BCL11A: variants seen among roughly 807,000 people sequenced by gnomAD.
BCL11A encodes BCL11 transcription factor A.
Under a neutral mutation model 55.9 loss-of-function variants are expected in BCL11A, and 2 were observed. The observed-to-expected ratio is 0.04, with a 90% confidence interval of 0.01 to 0.11. The LOEUF (loss-of-function observed/expected upper bound fraction) is 0.11. BCL11A is among the 10% of genes least tolerant of loss of function. BCL11A has a pLI of 1.00. For synonymous variants in BCL11A, 465 were observed against 473.4 expected, an observed-to-expected ratio of 0.98 and a Z score of 0.23; for missense variants, 817 against 1,137.1, an observed-to-expected ratio of 0.72 and a Z score of 4.05.
intron 1 of BCL11A, among the ~76,000 whole-genome samples, chr2:60,552,736 C>T (rs184354328): frequency 1.3e-5 from 2 of 152,234 alleles, no homozygotes; most frequent in East Asian, 3.9e-4. Flanking sequence ...CCCCGGGAAT[C>T]GTTTTTTAGA....
At chr2:60,479,415 T>C (rs1045566498) in intron 2 of BCL11A, among the ~76,000 whole-genome samples, 1 of 152,206 alleles carries the variant, frequency 6.6e-6, no homozygotes, top group South Asian at 2.1e-4. Context: ...GTCCCAACCA[T>C]GAGGCTGACC....
intron 2 of BCL11A, among the ~76,000 whole-genome samples, chr2:60,473,119 T>C (rs1390259337): frequency 6.6e-6 from 1 of 152,038 alleles, no homozygotes; most frequent in Non-Finnish European, 1.5e-5. Context: ...TGTTAGCATG[T>C]GCATGCACAT....
chr2:60,492,286 G>T (rs1197240635), intron 2 of BCL11A, among the ~76,000 whole-genome samples: 1 of 152,224 alleles, frequency 6.6e-6, no homozygotes, highest in East Asian at 1.9e-4. Context: ...AGGATGGCTT[G>T]AGCCTAGGAG....
In BCL11A at chr2:60,459,545, C is replaced by G; in HGVS notation, c.*859G>C. On this transcript the variant is annotated 3_prime_UTR_variant, in exon 4 of 4. Transcript: ENST00000642384. ...CATAATGGGTCATCTTTTTAGGTAG[C>G]CATTGTTGTGAGAAATACAATATAG... 2.0e-6 allele frequency: 2 copies of G among 1,024,068 alleles called. No homozygotes were observed. The highest frequency in any genetic ancestry group is 4.6e-5 in the South Asian group (1 of 21,576). The allele number at this position is 1,024,068 out of a possible 1,614,324, so 63.4% of individuals were successfully genotyped here. A position where few individuals can be genotyped will look rare whatever the true frequency, so the allele number is the denominator to read the frequency against.
intron 2 of BCL11A, among the ~76,000 whole-genome samples, chr2:60,500,266 A>G (rs1679206906): frequency 6.6e-6 from 1 of 152,148 alleles, no homozygotes; most frequent in African/African-American, 2.4e-5. Flanking sequence ...GAAAGTGGAC[A>G]AGTCAAGCCC....
At chr2:60,501,167 T>A (rs1042481041) in intron 2 of BCL11A, among the ~76,000 whole-genome samples, 3 of 152,232 alleles carry the variant, frequency 2.0e-5, no homozygotes, top group African/African-American at 7.2e-5. Flanking sequence ...CACTTATTTA[T>A]ATTATTGTTT....
rs181725394 is a variant in BCL11A, at chr2:60,504,454, A to T, written c.386-35621T>A. 5.4e-3 allele frequency among the ~76,000 whole-genome samples: 817 copies of T among 152,330 alleles called. 2 individuals carry two copies. The highest frequency in any genetic ancestry group is 5.5e-3 in the Non-Finnish European group (376 of 68,036). ...AGCCTGCTCTCCCAAAGAAGGAATA[A>T]CAGAACAAAAAAGTCAACCTCTGAC... On this transcript the variant is annotated intron_variant, in intron 2 of 3. Coordinates refer to ENST00000642384, the MANE Select transcript of BCL11A (RefSeq NM_022893.4).
At chr2:60,467,265 T>A (rs1572961585) in intron 3 of BCL11A, among the ~76,000 whole-genome samples, 1 of 105,312 alleles carries the variant, frequency 9.5e-6, no homozygotes, top group East Asian at 7.2e-4. Context: ...GTGGTGGTGG[T>A]GATGGTGGTG....
chr2:60,504,132 C>G (rs1679442398), intron 2 of BCL11A, among the ~76,000 whole-genome samples: 1 of 152,240 alleles, frequency 6.6e-6, no homozygotes. Context: ...TCCTCTTTGA[C>G]TCACACTTGC....
Position 60,553,309 on chromosome 2 carries a change from G to GCGGCGT in BCL11A, c.-40_-39insACGCCG, listed in dbSNP as rs1491306018. ...GCGGGCGGCGGCGGCGGCGGCGGCG[G>GCGGCGT]CGGCGGGCGGACGACGGCTCGGTTC... is the stretch of plus-strand genomic sequence containing the variant. On this transcript the variant is annotated 5_prime_UTR_variant, in exon 1 of 4. Transcript: ENST00000642384. The GCGGCGT allele has an allele frequency of 1.3e-6, 2 of 1,528,344 alleles. No homozygotes were observed. The highest frequency in any genetic ancestry group is 2.8e-5 in the African/African-American group (2 of 71,000). The allele number at this position is 1,528,344 out of a possible 1,614,324, so 94.7% of individuals were successfully genotyped here.
In BCL11A at chr2:60,526,933, T is replaced by C. The variant is rs1368236074; in HGVS notation, c.385+19038A>G. The C allele has an allele frequency of 3.3e-5, 5 of 152,254 alleles. No individual in the cohort carries two copies. The South Asian group carries it at 1.0e-3, about 32-fold the overall frequency. 9.4% of individuals were successfully genotyped at this position (152,254 alleles called of 1,614,324 possible). A position where few individuals can be genotyped will look rare whatever the true frequency, so the allele number is the denominator to read the frequency against. ...TTATCACTAGTCAACAGCATTGATTTTTAGTCGACATTTCAATCAGGTTGA... is the reference window on the plus strand; with the variant it reads ...TTATCACTAGTCAACAGCATTGATTCTTAGTCGACATTTCAATCAGGTTGA... On this transcript the variant is annotated intron_variant, in intron 2 of 3. Transcript: ENST00000642384.
At chr2:60,516,828 A>C (rs759189495) in intron 2 of BCL11A, among the ~76,000 whole-genome samples, 2 of 152,246 alleles carry the variant, frequency 1.3e-5, no homozygotes, top group South Asian at 2.1e-4. Context: ...AAACACTAAG[A>C]TATCTTGCCA....
At chr2:60,496,756 C>T (rs1369599712) in intron 2 of BCL11A, among the ~76,000 whole-genome samples, 1 of 149,970 alleles carries the variant, frequency 6.7e-6, no homozygotes, top group African/African-American at 2.4e-5. Context: ...CTTTCCCACT[C>T]TAGGTTCCAC....
At chr2:60,479,516 G>C (rs777717422) in intron 2 of BCL11A, among the ~76,000 whole-genome samples, 1 of 152,190 alleles carries the variant, frequency 6.6e-6, no homozygotes, top group Non-Finnish European at 1.5e-5. Flanking sequence ...AAATCCTTTT[G>C]CTTCCAGGGC....
At chr2:60,549,362 G>C (rs1670290732) in intron 1 of BCL11A, among the ~76,000 whole-genome samples, 1 of 152,246 alleles carries the variant, frequency 6.6e-6, no homozygotes, top group Non-Finnish European at 1.5e-5. Context: ...GTGTCTTCAA[G>C]TTTGCTTTCC....
In BCL11A at chr2:60,459,395, A is replaced by G; in HGVS notation, c.*1009T>C. On this transcript the variant is annotated 3_prime_UTR_variant, in exon 4 of 4. Transcript: ENST00000642384. ...TCAATTTAATCATTGTTTAAAAAAA[A>G]TAAAACTTTGGGCAAAACAGCCCAT... is the stretch of plus-strand genomic sequence containing the variant. The G allele has an allele frequency of 2.0e-6, 2 of 1,020,956 alleles. No homozygotes were observed. The highest frequency in any genetic ancestry group is 4.6e-5 in the South Asian group (1 of 21,608). The allele number at this position is 1,020,956 out of a possible 1,614,324, so 63.2% of individuals were successfully genotyped here. A position where few individuals can be genotyped will look rare whatever the true frequency, so the allele number is the denominator to read the frequency against.
intron 2 of BCL11A, among the ~76,000 whole-genome samples, chr2:60,520,698 A>C (rs564409842): frequency 2.0e-5 from 3 of 152,290 alleles, no homozygotes; most frequent in Admixed American, 2.0e-4. Flanking sequence ...TATTTGCATC[A>C]AAAAGAGCAG....
chr2:60,533,530 GC>G (rs1669546820), intron 2 of BCL11A: 1 of 152,118 alleles, frequency 6.6e-6, no homozygotes, highest in South Asian at 2.1e-4. Flanking sequence ...TTTCTCCACT[GC>G]CCACTCAGCC....
chr2:60,514,186 GC>G (rs1668620980), intron 2 of BCL11A, among the ~76,000 whole-genome samples: 1 of 152,124 alleles, frequency 6.6e-6, no homozygotes, highest in African/African-American at 2.4e-5. Flanking sequence ...TCCAGGCTGG[GC>G]TACCTCCAGC....
Sources: gnomAD v4.1 joint callset for allele counts (sites outside exome capture counted in the v4.1 genomes callset) on GRCh38, gnomAD v4.1.1 for gene constraint, MANE v1.5 for transcripts, NCBI Gene and HGNC (gene_info 2026-07-23, HGNC 2026-07-21) for gene names.